The following FAM161A variants were observed in gnomAD, a reference collection of about 807,000 sequenced individuals.
FAM161A encodes protein FAM161A.
In FAM161A, 57 loss-of-function variants were observed where a neutral mutation model predicts 70.9. The observed-to-expected ratio is 0.80, with a 90% confidence interval of 0.65 to 1.00. The LOEUF is 1.00. Among genes scored for constraint, FAM161A ranks in the 50% least tolerant of loss-of-function variants. FAM161A has a pLI of 0.00. For missense variants in FAM161A, 880 were observed against 836.0 expected (o/e 1.05, Z -0.65); for synonymous variants, 299 against 295.7 (o/e 1.01, Z -0.12).
Position 61,840,025 on chromosome 2 carries a change from A to G in FAM161A, c.979T>C (p.Phe327Leu), listed in dbSNP as rs1197855039. ...ALLASQKPFK[F>L]IAREEQKRAA... is the part of the protein sequence containing the mutation. ...CGCTTCTGTTCCTCCCTTGCTATAA[A>G]TTTAAATGGCTTTTGTGAGGCCAAA... The change falls in exon 3 of 7, where the codon TTT (phenylalanine) becomes CTT (leucine). Residue 327 changes from phenylalanine (F) to leucine (L), a missense_variant. Coordinates refer to ENST00000404929, the MANE Select transcript of FAM161A (RefSeq NM_001201543.2). The G allele has an allele frequency of 1.9e-6, 3 of 1,614,014 alleles. No homozygotes were observed. The African/African-American group carries it at 4.0e-5, about 22-fold the overall frequency.
chr2:61,846,151 AAAG>A (rs1673206160), intron 1 of FAM161A, among the ~76,000 whole-genome samples: 1 of 151,394 alleles, frequency 6.6e-6, no homozygotes, highest in Non-Finnish European at 1.5e-5. Flanking sequence ...TGTTTATGGG[AAAG>A]AAGGGGAAAG....
At chr2:61,833,976 G>C (rs1672677918) in intron 5 of FAM161A, among the ~76,000 whole-genome samples, 1 of 152,184 alleles carries the variant, frequency 6.6e-6, no homozygotes, top group Non-Finnish European at 1.5e-5. Context: ...AGTGAGCTAT[G>C]ATTGTACTAC....
chr2:61,822,607 C>T (rs758024924), downstream of FAM161A, among the ~76,000 whole-genome samples: 23 of 151,866 alleles, frequency 1.5e-4, no homozygotes, highest in Admixed American at 7.2e-4. Flanking sequence ...TTTTTTGAAA[C>T]GGGGTTTTCA....
At chr2:61,831,764 C>G (rs1390675361) in intron 5 of FAM161A, among the ~76,000 whole-genome samples, 1 of 152,144 alleles carries the variant, frequency 6.6e-6, no homozygotes, top group African/African-American at 2.4e-5. Context: ...GAGTGCTTGT[C>G]TTTCAGCAAC....
At chr2:61,801,325 G>T in the FAM161A span, among the ~76,000 whole-genome samples, 1 of 151,318 alleles carries the variant, frequency 6.6e-6, no homozygotes, top group African/African-American at 2.4e-5. Flanking sequence ...GTGAAACCCG[G>T]TCTCTACTAA....
At chr2:61,835,721 G>C in intron 5 of FAM161A, 2 of 290,732 alleles carry the variant, frequency 6.9e-6, no homozygotes, top group Non-Finnish European at 1.3e-5. Flanking sequence ...TTTGAGATGA[G>C]GTCTTGCTAC....
chr2:61,814,087 C>T, the FAM161A span, among the ~76,000 whole-genome samples: 1 of 152,166 alleles, frequency 6.6e-6, no homozygotes, highest in Non-Finnish European at 1.5e-5. Context: ...AGAAGCCCCT[C>T]AGACTCAGTC....
At chr2:61,818,707 A>G in the FAM161A span, among the ~76,000 whole-genome samples, 1 of 152,248 alleles carries the variant, frequency 6.6e-6, no homozygotes, top group Non-Finnish European at 1.5e-5. Context: ...CAGCTAATAT[A>G]GAACACATAA....
chr2:61,830,110 T>C (rs1225108557), intron 5 of FAM161A, among the ~76,000 whole-genome samples: 1 of 152,218 alleles, frequency 6.6e-6, no homozygotes, highest in Non-Finnish European at 1.5e-5. Context: ...TGGATGATTG[T>C]CCCTGTTATA....
intron 4 of FAM161A, chr2:61,836,884 G>T: frequency 4.5e-6 from 1 of 222,310 alleles, no homozygotes; most frequent in Non-Finnish European, 1.0e-5. Context: ...TATTAATTTT[G>T]AGACAGGTTC....
At chr2:61,819,317 C>T in the FAM161A span, among the ~76,000 whole-genome samples, 2 of 152,006 alleles carry the variant, frequency 1.3e-5, no homozygotes, top group East Asian at 3.9e-4. Flanking sequence ...AAAAATTAGC[C>T]GGGCATGGTG....
Position 61,838,892 on chromosome 2 carries a change from ATTTT to A in FAM161A, c.1584-191_1584-188del, listed in dbSNP as rs746321568. Among the ~76,000 whole-genome samples the A allele has an allele frequency of 4.2e-3, 553 of 130,338 alleles. 6 individuals carry two copies. Among genetic ancestry groups the A allele is most frequent in the South Asian group, 0.027 (86 of 3,194 alleles). The allele number at this position is 130,338 out of a possible 152,430, so 85.5% of individuals were successfully genotyped here. ...TATTTATTTATTTATTTATTTATTTATTTTTTTTGAGATGGAGTCTCGCTCTGTC... is the reference window on the plus strand; with the variant it reads ...TATTTATTTATTTATTTATTTATTTATTTTGAGATGGAGTCTCGCTCTGTC... On this transcript the variant is annotated intron_variant, in intron 3 of 6. Transcript: ENST00000404929.
At position 61,839,710 on chromosome 2, in the gene FAM161A, C is replaced by A. The variant is rs1672928309; in HGVS notation, c.1294G>T (p.Glu432Ter). Residue 432 changes from glutamate to a stop codon, truncating the protein, a stop_gained, in exon 3 of 7, where the codon GAG becomes TAG. Coordinates refer to ENST00000404929, the MANE Select transcript of FAM161A (RefSeq NM_001201543.2). LOFTEE classifies it high-confidence loss of function. ...HKVRCPTPDF[E>*]DLPERYQKHL... ...TTCTGGTATCTCTCAGGAAGGTCCT[C>A]AAAATCAGGAGTTGGGCACCTAACC... 6.2e-7 allele frequency: 1 copy of A among 1,614,162 alleles called. No individual in the cohort carries two copies. Among genetic ancestry groups the A allele is most frequent in the Non-Finnish European group, 8.5e-7 (1 of 1,180,038 alleles).
At chr2:61,835,887 C>T in intron 5 of FAM161A, 123 bp downstream of exon 5, 2 of 765,414 alleles carry the variant, frequency 2.6e-6, no homozygotes, top group Non-Finnish European at 4.5e-6. Flanking sequence ...CCAACACAAA[C>T]AACAATAATG....
chr2:61,836,611 T>G (rs1672783432), intron 4 of FAM161A: 2 of 156,178 alleles, frequency 1.3e-5, no homozygotes. Context: ...TCTCATTCTG[T>G]TGCTCAGGCT....
intron 1 of FAM161A, among the ~76,000 whole-genome samples, chr2:61,845,958 G>A (rs748440343): frequency 7.2e-5 from 11 of 151,852 alleles, no homozygotes; most frequent in Non-Finnish European, 1.2e-4. Flanking sequence ...GCATGGTGGC[G>A]TGTACCTGTA....
chr2:61,810,023 T>C, the FAM161A span, among the ~76,000 whole-genome samples: 1 of 152,212 alleles, frequency 6.6e-6, no homozygotes, highest in Non-Finnish European at 1.5e-5. Flanking sequence ...CACCATATTA[T>C]TGTAGCCACT....
intron 5 of FAM161A, 52 bp downstream of exon 5, chr2:61,835,958 T>TAAAA: frequency 7.1e-5 from 74 of 1,046,940 alleles, no homozygotes; most frequent in Admixed American, 1.1e-4. Flanking sequence ...GCTAAAGCTG[T>TAAAA]AAAAAAAAAA....
In FAM161A at chr2:61,839,989, C is replaced by T; in HGVS notation, c.1015G>A (p.Glu339Lys). Reference sequence around the variant, plus strand: ...TTAAGAAAGTCTCTCAGCTGCTTTTCCCGGGCTGCTCGCTTCTGTTCCTCC... The same window carrying T: ...TTAAGAAAGTCTCTCAGCTGCTTTTTCCGGGCTGCTCGCTTCTGTTCCTCC... ...AREEQKRAAR[E>K]KQLRDFLKYK... Residue 339 changes from glutamate to lysine, a missense_variant, in exon 3 of 7, where the codon GAA (glutamate) becomes AAA (lysine). Transcript: ENST00000404929. The T allele has an allele frequency of 1.2e-6, 2 of 1,614,156 alleles. No homozygotes were observed. The highest frequency in any genetic ancestry group is 1.7e-6 in the Non-Finnish European group (2 of 1,180,026).
Sources: allele counts gnomAD v4.1 joint callset (sites outside exome capture counted in the v4.1 genomes callset), GRCh38; gene constraint gnomAD v4.1.1; transcripts MANE v1.5; gene names NCBI Gene and HGNC (gene_info 2026-07-23, HGNC 2026-07-21).